ADAMTSL1: variants seen among roughly 807,000 people sequenced by gnomAD.
The protein encoded by ADAMTSL1 is ADAMTS like 1.
Under a neutral mutation model 201.8 loss-of-function variants are expected in ADAMTSL1, and 126 were observed. That is an observed-to-expected ratio of 0.62 (90% confidence interval 0.54 to 0.72). The LOEUF (loss-of-function observed/expected upper bound fraction) is 0.72. ADAMTSL1 is among the 30% of genes least tolerant of loss of function. The pLI, the probability that ADAMTSL1 is intolerant of heterozygous loss-of-function variation, is 0.00. For missense variants in ADAMTSL1, 2,679 were observed against 2,277.8 expected (o/e 1.18, Z -3.59); for synonymous variants, 1,121 against 903.4 (o/e 1.24, Z -4.32).
chr9:17,997,973 C>G lies in ADAMTSL1; in HGVS notation c.87+91051C>G, dbSNP rs149470209. Among the ~76,000 whole-genome samples the G allele has an allele frequency of 2.0e-3, 298 of 152,006 alleles. 3 individuals are homozygous for G. The highest frequency in any genetic ancestry group is 6.8e-3 in the African/African-American group (282 of 41,488). Reference sequence around the variant, plus strand: ...GGAATGGCTGGCACCACTGTAGTCCCCATTAATAGAAATAGAAGCAGTATT... The same window carrying G: ...GGAATGGCTGGCACCACTGTAGTCCGCATTAATAGAAATAGAAGCAGTATT... On this transcript the variant is annotated intron_variant, in intron 1 of 29. Transcript: ENST00000680146.
intron 1 of ADAMTSL1, among the ~76,000 whole-genome samples, chr9:18,483,122 G>T (rs1325129791): frequency 3.9e-5 from 6 of 152,134 alleles, no homozygotes; most frequent in Admixed American, 2.6e-4. Flanking sequence ...GAAGGCAGGG[G>T]TTTTGTTTTA....
intron 2 of ADAMTSL1, among the ~76,000 whole-genome samples, chr9:18,305,136 C>G (rs73428957): frequency 3.3e-5 from 5 of 152,172 alleles, no homozygotes; most frequent in African/African-American, 1.2e-4. Flanking sequence ...CAAGGGAAGC[C>G]GTGAGGGACT....
upstream of ADAMTSL1, among the ~76,000 whole-genome samples, chr9:18,473,696 A>T (rs964792468): frequency 1.3e-5 from 2 of 152,180 alleles, no homozygotes; most frequent in East Asian, 1.9e-4. Flanking sequence ...CCTTTATGGC[A>T]TATGTTATAT....
chr9:18,089,096 G>A (rs978949223), intron 1 of ADAMTSL1, among the ~76,000 whole-genome samples: 2 of 152,172 alleles, frequency 1.3e-5, no homozygotes, highest in African/African-American at 4.8e-5. Context: ...AGGTCGCAGT[G>A]AGCCAAGATC....
At chr9:18,897,931 A>G (rs970788953) in intron 26 of ADAMTSL1, among the ~76,000 whole-genome samples, 18 of 151,824 alleles carry the variant, frequency 1.2e-4, no homozygotes, top group Non-Finnish European at 7.4e-5. Context: ...TAATTCCAGC[A>G]TTTTGGGAGG....
intron 1 of ADAMTSL1, among the ~76,000 whole-genome samples, chr9:17,955,344 G>C (rs1192717947): frequency 6.6e-6 from 1 of 152,108 alleles, no homozygotes; most frequent in Non-Finnish European, 1.5e-5. Flanking sequence ...CTTTTGTTCT[G>C]ATGATTTTCT....
intron 7 of ADAMTSL1, among the ~76,000 whole-genome samples, chr9:18,655,895 T>G (rs541976285): frequency 6.7e-6 from 1 of 150,246 alleles, no homozygotes; most frequent in African/African-American, 2.5e-5. Context: ...TAGGTACCCT[T>G]GTATCTGACA....
chr9:18,100,041 A>C (rs1430476916), intron 1 of ADAMTSL1, among the ~76,000 whole-genome samples: 1 of 151,904 alleles, frequency 6.6e-6, no homozygotes, highest in East Asian at 1.9e-4. Context: ...CAGTCACTTC[A>C]TTTCTGAGTT....
At chr9:18,876,301 C>CATGTGTGTGTGT (rs1554653508) in intron 23 of ADAMTSL1, among the ~76,000 whole-genome samples, 2 of 139,630 alleles carry the variant, frequency 1.4e-5, no homozygotes, top group African/African-American at 5.5e-5. Context: ...TGCCTGAATA[C>CATGTGTGTGTGT]GTGTGTGTGT....
chr9:18,421,133 C>A (rs190004254), intron 2 of ADAMTSL1, among the ~76,000 whole-genome samples: 1 of 152,302 alleles, frequency 6.6e-6, no homozygotes, highest in African/African-American at 2.4e-5. Flanking sequence ...CACTGGAATG[C>A]GTTCCCTGAT....
At chr9:17,917,778 C>G (rs1054825637) in intron 1 of ADAMTSL1, among the ~76,000 whole-genome samples, 5 of 151,994 alleles carry the variant, frequency 3.3e-5, no homozygotes, top group African/African-American at 1.2e-4. Flanking sequence ...TTTAAGAATT[C>G]ACCAGTGAAG....
At chr9:18,246,452 A>T (rs1831261071) in intron 2 of ADAMTSL1, among the ~76,000 whole-genome samples, 1 of 152,194 alleles carries the variant, frequency 6.6e-6, no homozygotes, top group Non-Finnish European at 1.5e-5. Context: ...AAGAAGAGAA[A>T]GATAAAAACA....
intron 13 of ADAMTSL1, among the ~76,000 whole-genome samples, chr9:18,686,273 T>A (rs2507120): frequency 0.21 from 31,741 of 152,154 alleles, 3,387 homozygotes; most frequent in East Asian, 0.32. Flanking sequence ...CATAAATTAT[T>A]TCTGTACTGT....
chr9:17,956,073 T>C (rs1321565467), intron 1 of ADAMTSL1, among the ~76,000 whole-genome samples: 1 of 152,118 alleles, frequency 6.6e-6, no homozygotes, highest in Admixed American at 6.6e-5. Context: ...ATCTGAATAG[T>C]TTATTTTTTA....
chr9:18,437,037 C>T (rs1414663840), intron 2 of ADAMTSL1, among the ~76,000 whole-genome samples: 1 of 151,696 alleles, frequency 6.6e-6, no homozygotes, highest in African/African-American at 2.4e-5. Flanking sequence ...ATCTGAGCAT[C>T]AGCCAGTCAT....
chr9:18,790,363 G>A lies in ADAMTSL1; in HGVS notation c.3678-5034G>A, dbSNP rs1401420175. Among the ~76,000 whole-genome samples the A allele has an allele frequency of 2.0e-5, 3 of 152,276 alleles. No homozygotes were observed. In the South Asian group the frequency reaches 6.2e-4, roughly 32 times the overall value. ...CTCCACAAGGCAGCTCCTCATAGCTGGGCATGGAGATCAATTTGAGAAGTA... is the reference window on the plus strand; with the variant it reads ...CTCCACAAGGCAGCTCCTCATAGCTAGGCATGGAGATCAATTTGAGAAGTA... On this transcript the variant is annotated intron_variant, in intron 19 of 28. Coordinates refer to ENST00000380548, the MANE Select transcript of ADAMTSL1 (RefSeq NM_001040272.6).
chr9:18,631,406 A>T (rs527670930), intron 5 of ADAMTSL1, among the ~76,000 whole-genome samples: 1 of 152,352 alleles, frequency 6.6e-6, no homozygotes, highest in African/African-American at 2.4e-5. Flanking sequence ...CGTCACGAAG[A>T]TGTAAAACAT....
chr9:18,543,807 C>G (rs1337913141), intron 3 of ADAMTSL1, among the ~76,000 whole-genome samples: 1 of 152,156 alleles, frequency 6.6e-6, no homozygotes, highest in Non-Finnish European at 1.5e-5. Flanking sequence ...TCACTGGGTG[C>G]CCCCCAGCCC....
intron 2 of ADAMTSL1, among the ~76,000 whole-genome samples, chr9:18,510,644 C>T (rs77695307): frequency 0.026 from 3,876 of 151,946 alleles, 164 homozygotes; most frequent in African/African-American, 0.088. Flanking sequence ...TAAACATTGT[C>T]TCTCACCTTT....
Sources: allele counts gnomAD v4.1 joint callset (sites outside exome capture counted in the v4.1 genomes callset), GRCh38; gene constraint gnomAD v4.1.1; transcripts MANE v1.5; gene names NCBI Gene and HGNC (gene_info 2026-07-23, HGNC 2026-07-21).